The following CRCP variants were observed in gnomAD, a reference collection of about 807,000 sequenced individuals.
CRCP encodes the protein CGRP receptor component, also known as DNA-directed RNA polymerase III subunit RPC9.
Under a neutral mutation model 18.5 loss-of-function variants are expected in CRCP, and 18 were observed. The observed-to-expected ratio is 0.97, with a 90% CI of 0.67 to 1.44. CRCP has a LOEUF of 1.44. Ranked by LOEUF, CRCP falls within the 40% of genes most tolerant of loss-of-function variation. CRCP has a pLI of 0.00. For missense variants in CRCP, 130 were observed against 176.4 expected (o/e 0.74, Z 1.49); for synonymous variants, 53 against 62.9 (o/e 0.84, Z 0.75).
At chr7:66,148,668 G>A (rs899929263) in intron 5 of CRCP, among the ~76,000 whole-genome samples, 1 of 152,174 alleles carries the variant, frequency 6.6e-6, no homozygotes, top group African/African-American at 2.4e-5. Context: ...GTGCCCGGTT[G>A]TGTATTGATT....
rs1484963086 is a variant in CRCP, at chr7:66,152,374, C to G, written c.*17C>G. ...CCAGCATAGAAGAGCACAGCTGGCC[C>G]CGGCGTTTCATGAAGTCAGAAGGCC... On this transcript the variant is annotated 3_prime_UTR_variant, in exon 6 of 6. Transcript: ENST00000395326. 1 of 1,612,962 alleles carries G rather than the reference C, an allele frequency of 6.2e-7. No homozygotes were observed. Among genetic ancestry groups the G allele is most frequent in the East Asian group, 2.2e-5 (1 of 44,858 alleles).
At chr7:66,114,991 C>A in intron 1 of CRCP, 21 bp downstream of exon 1, 1 of 1,606,954 alleles carries the variant, frequency 6.2e-7, no homozygotes, top group Non-Finnish European at 8.5e-7. Flanking sequence ...TCGGGCGCGT[C>A]CCTTTTCGCC....
chr7:66,135,246 G>T (rs1787936068), intron 4 of CRCP, among the ~76,000 whole-genome samples: 1 of 152,166 alleles, frequency 6.6e-6, no homozygotes, highest in Admixed American at 6.5e-5. Context: ...CCATTATCTA[G>T]ATGAAAATGA....
intron 1 of CRCP, among the ~76,000 whole-genome samples, chr7:66,116,735 C>G (rs1369762528): frequency 6.6e-6 from 1 of 152,100 alleles, no homozygotes; most frequent in East Asian, 1.9e-4. Flanking sequence ...CCCATCCCAA[C>G]AAAACTTCTT....
chr7:66,138,564 T>A (rs909625512), intron 4 of CRCP, among the ~76,000 whole-genome samples: 44 of 144,480 alleles, frequency 3.0e-4, no homozygotes, highest in East Asian at 2.0e-4. Context: ...GGCTGGCAGA[T>A]CACGAGGTCA....
intron 4 of CRCP, among the ~76,000 whole-genome samples, chr7:66,140,164 C>T (rs890929651): frequency 2.6e-5 from 4 of 152,146 alleles, no homozygotes; most frequent in African/African-American, 7.2e-5. Flanking sequence ...AGTCTCCTGG[C>T]GAGAAAGATT....
chr7:66,130,854 C>A lies in CRCP; in HGVS notation c.144+12C>A. 5 of 1,402,726 alleles carry A rather than the reference C, an allele frequency of 3.6e-6. No homozygotes were observed. The highest frequency in any genetic ancestry group is 5.0e-6 in the Non-Finnish European group (5 of 993,024). The allele number at this position is 1,402,726 out of a possible 1,614,324, so 86.9% of individuals were successfully genotyped here. A position where few individuals can be genotyped will look rare whatever the true frequency, so the allele number is the denominator to read the frequency against. On this transcript the variant is annotated intron_variant, in intron 3 of 5. Coordinates refer to ENST00000395326, the MANE Select transcript of CRCP (RefSeq NM_014478.5). ...CTATCACCTATGAAGTAAGGCTGGG[C>A]TTCTGCCAGGCCTACCTAAAGTACC...
At chr7:66,116,128 T>C (rs1313556184) in intron 1 of CRCP, among the ~76,000 whole-genome samples, 1 of 152,098 alleles carries the variant, frequency 6.6e-6, no homozygotes, top group Non-Finnish European at 1.5e-5. Flanking sequence ...ACACAATATG[T>C]CTGTGTAACT....
At chr7:66,151,650 T>A (rs1210339456) in intron 5 of CRCP, among the ~76,000 whole-genome samples, 1 of 149,380 alleles carries the variant, frequency 6.7e-6, no homozygotes, top group Non-Finnish European at 1.5e-5. Context: ...GAGATGCATA[T>A]GCAACCTGTT....
chr7:66,122,761 G>A (rs1401638407), intron 1 of CRCP, among the ~76,000 whole-genome samples: 1 of 152,096 alleles, frequency 6.6e-6, no homozygotes, highest in African/African-American at 2.4e-5. Flanking sequence ...ACTGGATCAA[G>A]GTGTAGCAGG....
At chr7:66,130,009 G>C (rs898090330) in intron 2 of CRCP, 29 of 248,686 alleles carry the variant, frequency 1.2e-4, no homozygotes, top group Admixed American at 6.6e-4. Context: ...TTTTTGGGGG[G>C]TAAACTCTGT....
intron 4 of CRCP, among the ~76,000 whole-genome samples, chr7:66,142,997 G>A (rs1449176748): frequency 6.6e-6 from 1 of 152,094 alleles, no homozygotes; most frequent in Non-Finnish European, 1.5e-5. Flanking sequence ...GAGTTATAAA[G>A]GTACTACAAA....
Position 66,130,651 on chromosome 7 carries a change from T to C in CRCP, c.46-93T>C, listed in dbSNP as rs1787771663. ...GTGATGGGCGGGTGAAAGGAAGTACTATACTTTCCTGTTTATCCTTCAAAA... is the reference window on the plus strand; with the variant it reads ...GTGATGGGCGGGTGAAAGGAAGTACCATACTTTCCTGTTTATCCTTCAAAA... On this transcript the variant is annotated intron_variant, in intron 2 of 5. Coordinates refer to ENST00000395326, the MANE Select transcript of CRCP (RefSeq NM_014478.5). The C allele has an allele frequency of 4.4e-6, 3 of 677,026 alleles. No homozygotes were observed. The East Asian group carries it at 8.0e-5, about 18-fold the overall frequency. The allele number at this position is 677,026 out of a possible 1,614,324, so 41.9% of individuals were successfully genotyped here.
rs1250748857 is a variant in CRCP at position 66,153,983 on chromosome 7, C to CCGGGGAGGCAGAGGTTG, written c.*1628_*1644dup. 11 of 152,052 alleles carry CCGGGGAGGCAGAGGTTG rather than the reference C, an allele frequency of 7.2e-5. No individual in the cohort carries two copies. The highest frequency in any genetic ancestry group is 2.7e-4 in the African/African-American group (11 of 41,380). The allele number at this position is 152,052 out of a possible 1,614,324, so 9.4% of individuals were successfully genotyped here. ...GGCTGAGGCGGGGGAATCGCTTGAACCGGGGAGGCAGAGGTTGCAGTGAGC... is the reference window on the plus strand; with the variant it reads ...GGCTGAGGCGGGGGAATCGCTTGAACCGGGGAGGCAGAGGTTGCGGGGAGGCAGAGGTTGCAGTGAGC... On this transcript the variant is annotated 3_prime_UTR_variant, in exon 6 of 6. Coordinates refer to ENST00000395326, the MANE Select transcript of CRCP (RefSeq NM_014478.5).
At chr7:66,127,306 G>A (rs1055954571) in intron 1 of CRCP, among the ~76,000 whole-genome samples, 1 of 152,226 alleles carries the variant, frequency 6.6e-6, no homozygotes, top group African/African-American at 2.4e-5. Flanking sequence ...AGTTGACGTA[G>A]GTGGTGAACA....
At chr7:66,136,922 AC>A (rs1262675756) in intron 4 of CRCP, among the ~76,000 whole-genome samples, 2 of 151,854 alleles carry the variant, frequency 1.3e-5, no homozygotes, top group African/African-American at 4.8e-5. Flanking sequence ...TACTAAAAAT[AC>A]AAAAAATTAG....
At chr7:66,133,277 G>A (rs1238957641) in intron 3 of CRCP, among the ~76,000 whole-genome samples, 4 of 152,042 alleles carry the variant, frequency 2.6e-5, no homozygotes, top group Non-Finnish European at 5.9e-5. Flanking sequence ...AGGCCGAGGC[G>A]GGTGGATCAC....
intron 5 of CRCP, among the ~76,000 whole-genome samples, chr7:66,151,117 G>A (rs1038770428): frequency 2.6e-5 from 4 of 152,174 alleles, no homozygotes; most frequent in East Asian, 1.9e-4. Flanking sequence ...TTGGGAGGAC[G>A]AAAGGAAATG....
intron 4 of CRCP, among the ~76,000 whole-genome samples, chr7:66,142,251 T>A (rs1386632430): frequency 2.0e-5 from 3 of 152,188 alleles, no homozygotes; most frequent in African/African-American, 7.2e-5. Context: ...TGAGGGTCTT[T>A]ACTTTTCCCT....
Sources: gnomAD v4.1 joint callset for allele counts (sites outside exome capture counted in the v4.1 genomes callset) on GRCh38, gnomAD v4.1.1 for gene constraint, MANE v1.5 for transcripts, NCBI Gene and HGNC (gene_info 2026-07-23, HGNC 2026-07-21) for gene names.